Variants in PHACTR2 observed in about 807,000 individuals in gnomAD.
PHACTR2 encodes the protein phosphatase and actin regulator 2.
In PHACTR2, 30 loss-of-function variants were observed where a neutral mutation model predicts 76.0. That is an observed-to-expected ratio of 0.39 (90% CI 0.30 to 0.54). The LOEUF is 0.54. PHACTR2 is among the 20% of genes least tolerant of loss of function. PHACTR2 has a pLI of 0.61. For synonymous variants in PHACTR2, 292 were observed against 292.5 expected (o/e 1.00, Z 0.02); for missense variants, 696 against 781.1 (o/e 0.89, Z 1.30).
At chr6:143,544,451 C>T (rs1781204288) in intron 1 of PHACTR2, among the ~76,000 whole-genome samples, 1 of 152,172 alleles carries the variant, frequency 6.6e-6, no homozygotes, top group African/African-American at 2.4e-5. Context: ...GACAGATTGA[C>T]ACCTGCCACC....
intron 4 of PHACTR2, among the ~76,000 whole-genome samples, chr6:143,758,513 G>A (rs377485033): frequency 5.3e-5 from 8 of 152,324 alleles, no homozygotes; most frequent in African/African-American, 1.4e-4. Context: ...GTATCAACTT[G>A]TATCATTCTC....
Position 143,790,751 on chromosome 6 carries a change from G to A in PHACTR2, c.1845+1841G>A, listed in dbSNP as rs1456828301. On this transcript the variant is annotated intron_variant, in intron 11 of 12. Transcript: ENST00000440869. ...TGCTGTGGCTCGATCTCAGCTCACT[G>A]CAAGCTCCACCTCCTGTGTTCACGC... Among the ~76,000 whole-genome samples, 3 of 149,512 alleles carry A rather than the reference G, an allele frequency of 2.0e-5. No individual in the cohort carries two copies. In the Admixed American group the frequency reaches 2.0e-4, roughly 10 times the overall value.
At chr6:143,703,032 G>A (rs145370548) in intron 1 of PHACTR2, among the ~76,000 whole-genome samples, 6 of 151,334 alleles carry the variant, frequency 4.0e-5, no homozygotes, top group Middle Eastern at 3.4e-3. Flanking sequence ...AACAGGCCAG[G>A]GCACAGTGGC....
At chr6:143,721,695 C>A (rs573514467) in intron 2 of PHACTR2, among the ~76,000 whole-genome samples, 93 of 152,022 alleles carry the variant, frequency 6.1e-4, no homozygotes, top group African/African-American at 2.1e-3. Flanking sequence ...TACATTGTTA[C>A]ATGATCATCC....
rs560717585 is a variant in PHACTR2 at position 143,655,769 on chromosome 6, C to T, written c.13+47447C>T. 2.6e-5 allele frequency among the ~76,000 whole-genome samples: 4 copies of T among 152,308 alleles called. No individual in the cohort carries two copies. In the East Asian group the frequency reaches 7.7e-4, roughly 29 times the overall value. ...TTAGTTATTTACTTTGCACCTATTA[C>T]CACATACTTGCTATTATCTCTCCAT... On this transcript the variant is annotated intron_variant, in intron 1 of 11. Transcript: ENST00000305766.
intron 2 of PHACTR2, among the ~76,000 whole-genome samples, chr6:143,735,355 C>T (rs761707482): frequency 4.6e-5 from 7 of 152,108 alleles, no homozygotes; most frequent in Non-Finnish European, 1.0e-4. Flanking sequence ...TATGCATTAT[C>T]GTGATGAAAA....
intron 11 of PHACTR2, among the ~76,000 whole-genome samples, chr6:143,797,311 C>G (rs1329540020): frequency 1.3e-5 from 2 of 152,120 alleles, no homozygotes; most frequent in African/African-American, 4.8e-5. Context: ...TGGATATTAG[C>G]CCTTTGTCAG....
intron 12 of PHACTR2, among the ~76,000 whole-genome samples, chr6:143,812,583 C>T (rs1316760903): frequency 6.6e-6 from 1 of 152,146 alleles, no homozygotes. Flanking sequence ...CAGTATTTTC[C>T]AGATGGTGCC....
At chr6:143,666,925 T>C (rs909200068) in intron 1 of PHACTR2, among the ~76,000 whole-genome samples, 1 of 152,220 alleles carries the variant, frequency 6.6e-6, no homozygotes, top group East Asian at 1.9e-4. Context: ...CCATTGCTTT[T>C]GGTGTTTTAG....
intron 1 of PHACTR2, among the ~76,000 whole-genome samples, chr6:143,613,156 C>T (rs192640197): frequency 0.021 from 3,180 of 152,244 alleles, 95 homozygotes; most frequent in African/African-American, 0.072. Context: ...TTTACATTTT[C>T]AGTAGAGACG....
intron 1 of PHACTR2, among the ~76,000 whole-genome samples, chr6:143,609,597 T>C (rs1393756411): frequency 6.6e-6 from 1 of 152,182 alleles, no homozygotes; most frequent in African/African-American, 2.4e-5. Flanking sequence ...CAAGGCACAA[T>C]TTGAAGATCA....
intron 4 of PHACTR2, among the ~76,000 whole-genome samples, chr6:143,758,860 G>T (rs1028171642): frequency 2.0e-5 from 3 of 152,046 alleles, no homozygotes; most frequent in Non-Finnish European, 4.4e-5. Context: ...GGATTGATGG[G>T]GAATGTGGTT....
In PHACTR2 at chr6:143,787,725, C is replaced by G. The variant is rs992779843; in HGVS notation, c.1708-1048C>G. On this transcript the variant is annotated intron_variant, in intron 10 of 12. Transcript: ENST00000440869. The surrounding 1 kb of genome is among the most constrained non-coding windows in gnomAD (Gnocchi z 4.6). ...CCCAAGAGTTCAAGACCAGCCTGAG[C>G]AACATAGAGAGACCCCCCACCCACT... is the stretch of plus-strand genomic sequence containing the variant. Among the ~76,000 whole-genome samples, 1 of 151,788 alleles carries G rather than the reference C, an allele frequency of 6.6e-6. No individual in the cohort carries two copies. The highest frequency in any genetic ancestry group is 1.5e-5 in the Non-Finnish European group (1 of 67,976).
intron 1 of PHACTR2, among the ~76,000 whole-genome samples, chr6:143,705,419 C>T (rs1335053375): frequency 2.0e-5 from 3 of 151,878 alleles, no homozygotes; most frequent in East Asian, 1.9e-4. Flanking sequence ...CTCAGCCTCC[C>T]GAGTAGCTGG....
Position 143,619,928 on chromosome 6 carries a change from G to GTACT in PHACTR2, c.13+11610_13+11613dup, listed in dbSNP as rs1193000542. On this transcript the variant is annotated intron_variant, in intron 1 of 11. Coordinates refer to the PHACTR2 transcript ENST00000305766. This position sits in a 1 kb window ranked among gnomAD's most constrained non-coding sequence, Gnocchi z 4.5. ...ACAGCGCCGATCATGCTTGCTTGTG[G>GTACT]TACTTACAGAACATGTCACTCGGTC... 6.6e-6 allele frequency among the ~76,000 whole-genome samples: 1 copy of GTACT among 150,864 alleles called. No individual in the cohort carries two copies. Among genetic ancestry groups the GTACT allele is most frequent in the Non-Finnish European group, 1.5e-5 (1 of 67,774 alleles).
intron 2 of PHACTR2, among the ~76,000 whole-genome samples, chr6:143,729,540 G>A (rs1472839918): frequency 1.3e-5 from 2 of 152,048 alleles, no homozygotes; most frequent in Non-Finnish European, 2.9e-5. Context: ...GTCAAGGCTG[G>A]TTTTTTGCAT....
At position 143,765,445 on chromosome 6, in the gene PHACTR2, C is replaced by A. The variant is rs538512833; in HGVS notation, c.879C>A (p.Asp293Glu). The A allele has an allele frequency of 6.2e-7, 1 of 1,614,214 alleles. No individual in the cohort carries two copies. Among genetic ancestry groups the A allele is most frequent in the Non-Finnish European group, 8.5e-7 (1 of 1,180,036 alleles). ...CAATAACTTCTCACCTGTCCTCAGA[C>A]ACAACAACTTCTGGCACATCCGACC... is the stretch of plus-strand genomic sequence containing the variant. Reference protein sequence around the residue: ...KQPITSHLSSDTTTSGTSDLK... With the variant: ...KQPITSHLSSETTTSGTSDLK... Residue 293 changes from aspartate (D) to glutamate (E), a missense_variant, in exon 6 of 13, where the codon GAC becomes GAA. Asp to Glu is a conservative substitution (Grantham distance 45). Transcript: ENST00000440869. This position sits in a 1 kb window ranked among gnomAD's most constrained non-coding sequence, Gnocchi z 4.1.
chr6:143,685,261 T>G (rs1777488385), intron 1 of PHACTR2, among the ~76,000 whole-genome samples: 1 of 151,966 alleles, frequency 6.6e-6, no homozygotes, highest in South Asian at 2.1e-4. Context: ...TTTTTAAACT[T>G]TTACATGGCC....
chr6:143,718,315 A>G (rs1398108019), intron 2 of PHACTR2, among the ~76,000 whole-genome samples: 1 of 152,218 alleles, frequency 6.6e-6, no homozygotes, highest in Non-Finnish European at 1.5e-5. Flanking sequence ...GCAATCTTTA[A>G]GGGCTACTAT....
Sources: allele counts gnomAD v4.1 joint callset (sites outside exome capture counted in the v4.1 genomes callset), GRCh38; gene constraint gnomAD v4.1.1; non-coding constraint Gnocchi (gnomAD v3.1); transcripts MANE v1.5; gene names NCBI Gene and HGNC (gene_info 2026-07-23, HGNC 2026-07-21).